The following DLG1 variants were observed in gnomAD, a reference collection of about 807,000 sequenced individuals.
DLG1 encodes the protein discs large MAGUK scaffold protein 1.
In DLG1, 42 loss-of-function variants were observed where a neutral mutation model predicts 123.4. The ratio of observed to expected loss-of-function variants is 0.34; its 90% confidence interval spans 0.27 to 0.44. The LOEUF is 0.44. Among genes scored for constraint, DLG1 ranks in the 20% least tolerant of loss-of-function variants. The pLI is 1.00. For synonymous variants in DLG1, 317 were observed against 356.2 expected, an observed-to-expected ratio of 0.89 and a Z score of 1.24; for missense variants, 942 against 1,082.6, an observed-to-expected ratio of 0.87 and a Z score of 1.82.
rs560142188 is a variant in DLG1, at chr3:197,264,350, G to A, written c.318+18329C>T. Among the ~76,000 whole-genome samples, 5 of 152,206 alleles carry A rather than the reference G, an allele frequency of 3.3e-5. No homozygotes were observed. The East Asian group carries it at 9.7e-4, about 29-fold the overall frequency. On this transcript the variant is annotated intron_variant, in intron 4 of 24. Transcript: ENST00000667157. ...TAATCCAAAAATCCACAATCCAAAT[G>A]CTCCAAAATCCAAAATCTTTTAAGT...
At chr3:197,284,358 C>T (rs1013333546) in intron 3 of DLG1, among the ~76,000 whole-genome samples, 1 of 152,090 alleles carries the variant, frequency 6.6e-6, no homozygotes, top group African/African-American at 2.4e-5. Context: ...AAAACAAAAT[C>T]CAACTATAGC....
In DLG1 at chr3:197,278,365, T is replaced by C. The variant is rs749426854; in HGVS notation, c.318+4314A>G. Among the ~76,000 whole-genome samples the C allele has an allele frequency of 5.4e-5, 8 of 146,952 alleles. No homozygotes were observed. In the South Asian group the frequency reaches 6.4e-4, roughly 12 times the overall value. On this transcript the variant is annotated intron_variant, in intron 4 of 24. Transcript: ENST00000667157. Reference sequence around the variant, plus strand: ...CACACATGTAGGCCCAGCTACTCAGTAGGCTGAGGCAGGATGATCCCTGGA... The same window carrying C: ...CACACATGTAGGCCCAGCTACTCAGCAGGCTGAGGCAGGATGATCCCTGGA...
chr3:197,108,280 G>A (rs751597625), intron 13 of DLG1, among the ~76,000 whole-genome samples: 43 of 152,090 alleles, frequency 2.8e-4, no homozygotes, highest in Non-Finnish European at 5.6e-4. Flanking sequence ...TGATGTCTTT[G>A]GTTTGGTATA....
At chr3:197,090,536 T>C (rs1298960216) in intron 15 of DLG1, among the ~76,000 whole-genome samples, 5 of 152,074 alleles carry the variant, frequency 3.3e-5, no homozygotes, top group Admixed American at 3.3e-4. Context: ...AATTGCCAGG[T>C]AATTAAATGT....
At chr3:197,193,357 G>T (rs904493810) in intron 5 of DLG1, among the ~76,000 whole-genome samples, 2 of 151,988 alleles carry the variant, frequency 1.3e-5, no homozygotes, top group Non-Finnish European at 2.9e-5. Context: ...CCAAAAATAA[G>T]AATACCGATT....
rs778091118 is a variant in DLG1 at position 197,116,057 on chromosome 3, C to T, written c.1313G>A (p.Arg438His). ...GTTGAAACCAAGGCCCGTTGAGCCA[C>T]GATGAAGAACAACTTTTCTAGGTTC... ...TREPRKVVLHRGSTGLGFNIV... is the reference protein window; with the variant it reads ...TREPRKVVLHHGSTGLGFNIV... The change falls in exon 13 of 25, where the codon CGT (arginine) becomes CAT (histidine). Residue 438 changes from arginine to histidine, a missense_variant. By Grantham distance (29) the Arg-to-His change is conservative. Coordinates refer to ENST00000667157, the MANE Select transcript of DLG1 (RefSeq NM_001366207.1). 7 of 1,600,550 alleles carry T rather than the reference C, an allele frequency of 4.4e-6. No homozygotes were observed. The highest frequency in any genetic ancestry group is 3.4e-5 in the South Asian group (3 of 87,346).
chr3:197,188,304 C>T (rs1480613290), intron 5 of DLG1, among the ~76,000 whole-genome samples: 1 of 152,170 alleles, frequency 6.6e-6, no homozygotes, highest in African/African-American at 2.4e-5. Context: ...ACACTTTATG[C>T]AAATGTCAAC....
chr3:197,110,447 C>T (rs60275256), intron 13 of DLG1, among the ~76,000 whole-genome samples: 6,298 of 152,220 alleles, frequency 0.041, 178 homozygotes, highest in Non-Finnish European at 0.054. Flanking sequence ...ATTCCTTGAA[C>T]GTATTTAAAA....
At chr3:197,235,672 AAAC>A (rs1359351445) in intron 4 of DLG1, among the ~76,000 whole-genome samples, 1 of 152,218 alleles carries the variant, frequency 6.6e-6, no homozygotes, top group East Asian at 1.9e-4. Flanking sequence ...CTTCCAAAAC[AAAC>A]AACAGTATTT....
intron 4 of DLG1, among the ~76,000 whole-genome samples, chr3:197,267,652 TA>T (rs34525746): frequency 6.6e-6 from 1 of 151,884 alleles, no homozygotes; most frequent in Non-Finnish European, 1.5e-5. Context: ...TTATTTACCT[TA>T]AAAAAAATTA....
chr3:197,298,257 G>A (rs1174360332), intron 1 of DLG1: 6 of 358,736 alleles, frequency 1.7e-5, no homozygotes, highest in Non-Finnish European at 2.5e-5. Context: ...AGGGGGAGGC[G>A]GGTCGGGGGA....
rs1279456377 is a variant in DLG1, at chr3:197,140,159, C to T, written c.694G>A (p.Ala232Thr). 2.5e-6 allele frequency: 4 copies of T among 1,612,888 alleles called. No homozygotes were observed. The African/African-American group carries it at 4.0e-5, about 16-fold the overall frequency. The part of the protein sequence containing the change: ...ITKIITGGAA[A>T]QDGRLRVNDC... Reference sequence around the variant, plus strand: ...ACATACCGCAATCTTCCATCTTGGGCGGCTGCTCCCCCTGTGATAATTTTG... The same window carrying T: ...ACATACCGCAATCTTCCATCTTGGGTGGCTGCTCCCCCTGTGATAATTTTG... Residue 232 changes from alanine to threonine, a missense_variant, in exon 8 of 25, where the codon GCC becomes ACC. Transcript: ENST00000667157.
intron 4 of DLG1, among the ~76,000 whole-genome samples, chr3:197,243,180 C>G (rs767386999): frequency 6.6e-6 from 1 of 152,164 alleles, no homozygotes; most frequent in Non-Finnish European, 1.5e-5. Context: ...TAAACTGATT[C>G]CGACTGACTA....
chr3:197,142,925 G>A (rs1788773975), intron 6 of DLG1, 157 bp from the exon 7 acceptor site: 2 of 607,802 alleles, frequency 3.3e-6, no homozygotes, highest in South Asian at 2.1e-5. Context: ...AGATTTTCAA[G>A]GAATGGAAAA....
At chr3:197,270,119 T>C (rs1278383055) in intron 4 of DLG1, among the ~76,000 whole-genome samples, 1 of 151,970 alleles carries the variant, frequency 6.6e-6, no homozygotes, top group Non-Finnish European at 1.5e-5. Context: ...AATAGAAAAA[T>C]GGAAACCATC....
intron 18 of DLG1, chr3:197,070,564 C>CCTTTTTTTTTTTTTTTTT (rs1491200833): frequency 4.5e-5 from 2 of 44,926 alleles, no homozygotes; most frequent in Admixed American, 2.5e-4. Flanking sequence ...CTGGAAATTT[C>CCTTTTTTTTTTTTTTTTT]ATTTTTTTTT....
At chr3:197,196,000 T>C (rs571566508) in intron 4 of DLG1, among the ~76,000 whole-genome samples, 2 of 151,658 alleles carry the variant, frequency 1.3e-5, no homozygotes, top group Non-Finnish European at 2.9e-5. Context: ...ACATTCACAG[T>C]AGAGGCCTTT....
intron 5 of DLG1, among the ~76,000 whole-genome samples, chr3:197,154,499 C>A (rs1338868580): frequency 6.6e-6 from 1 of 151,798 alleles, no homozygotes; most frequent in Non-Finnish European, 1.5e-5. Context: ...CACAGTGAAA[C>A]CCCGTCTCTA....
At chr3:197,225,042 C>T (rs538322012) in intron 4 of DLG1, among the ~76,000 whole-genome samples, 17 of 152,182 alleles carry the variant, frequency 1.1e-4, no homozygotes, top group African/African-American at 3.9e-4. Context: ...CTGCAAGCTC[C>T]GCCTCCTGGG....
Sources: allele counts gnomAD v4.1 joint callset (sites outside exome capture counted in the v4.1 genomes callset), GRCh38; gene constraint gnomAD v4.1.1; transcripts MANE v1.5; gene names NCBI Gene and HGNC (gene_info 2026-07-23, HGNC 2026-07-21).